Variants in MYO9A observed in about 807,000 individuals in gnomAD.
MYO9A encodes the protein unconventional myosin-IXa.
Under a neutral mutation model 293.3 loss-of-function variants are expected in MYO9A, and 103 were observed. That is an observed-to-expected ratio of 0.35 (90% CI 0.30 to 0.41). The LOEUF is 0.41. Ranked by LOEUF, MYO9A falls within the 10% of genes least tolerant of loss-of-function variation. MYO9A has a pLI of 1.00. For synonymous variants in MYO9A, 1,001 were observed against 1,035.7 expected (o/e 0.97, Z 0.64); for missense variants, 2,685 against 3,033.0 (o/e 0.89, Z 2.69).
chr15:71,831,550 TATAAAA>T (rs1349259596), intron 39 of MYO9A, among the ~76,000 whole-genome samples: 2 of 152,102 alleles, frequency 1.3e-5, no homozygotes, highest in Non-Finnish European at 1.5e-5. Flanking sequence ...AAACTGAAAT[TATAAAA>T]GTCCTTGCAG....
intron 25 of MYO9A, among the ~76,000 whole-genome samples, chr15:71,895,707 T>C (rs1383161989): frequency 6.6e-6 from 1 of 151,922 alleles, no homozygotes; most frequent in African/African-American, 2.4e-5. Flanking sequence ...TAATCTAATA[T>C]ATAATAATTT....
rs745550211 is a variant in MYO9A, at chr15:72,046,264, T to C, written c.300A>G (p.Gly100=). The change falls in exon 2 of 42, where the codon GGA becomes GGG. Residue 100 remains glycine (G), a synonymous_variant. Coordinates refer to ENST00000356056, the MANE Select transcript of MYO9A (RefSeq NM_006901.4). ...CTCTCAGAAGGAAGCGGTAGTCCTC[T>C]CCACTTAAGCGATTTTCCAGAGCCA... is the stretch of plus-strand genomic sequence containing the variant. ...PRMALENRLS[G]EDYRFLLREK... 3 of 1,614,038 alleles carry C rather than the reference T, an allele frequency of 1.9e-6. No individual in the cohort carries two copies. The East Asian group carries it at 6.7e-5, about 36-fold the overall frequency.
At chr15:71,981,056 CTG>C (rs1348501308) in intron 11 of MYO9A, among the ~76,000 whole-genome samples, 2 of 152,030 alleles carry the variant, frequency 1.3e-5, no homozygotes, top group African/African-American at 4.8e-5. Context: ...CTCGAGATAA[CTG>C]TGTTTTCTCC....
At chr15:71,986,833 A>G (rs1055128710) in intron 11 of MYO9A, among the ~76,000 whole-genome samples, 2 of 152,164 alleles carry the variant, frequency 1.3e-5, no homozygotes, top group African/African-American at 4.8e-5. Context: ...ATTACAAAAA[A>G]ATTAATAAAT....
chr15:71,830,413 G>A (rs1595982237), intron 39 of MYO9A, 102 bp from the exon 40 acceptor site: 1 of 1,106,090 alleles, frequency 9.0e-7, no homozygotes, highest in African/African-American at 1.6e-5. Context: ...CCAGGTGAAT[G>A]ATAAGAATAA....
intron 11 of MYO9A, among the ~76,000 whole-genome samples, chr15:71,979,990 A>G (rs1397240726): frequency 6.6e-6 from 1 of 152,164 alleles, no homozygotes; most frequent in Non-Finnish European, 1.5e-5. Context: ...GTATCTGTAT[A>G]CAATAACTTG....
chr15:72,026,275 G>GAAAAAA (rs35491673), intron 4 of MYO9A, among the ~76,000 whole-genome samples: 3 of 63,476 alleles, frequency 4.7e-5, no homozygotes, highest in Admixed American at 2.5e-4. Context: ...TCCGTCTCAA[G>GAAAAAA]AAAAAAAAAA....
At chr15:72,027,693 T>C (rs2077715565) in intron 4 of MYO9A, 38 bp downstream of exon 4, 2 of 1,501,002 alleles carry the variant, frequency 1.3e-6, no homozygotes, top group Non-Finnish European at 1.8e-6. Flanking sequence ...GTGATACAAA[T>C]GTTAACTTCA....
chr15:71,998,550 C>CTTTTTTTTTTTT (rs765185033), intron 9 of MYO9A, among the ~76,000 whole-genome samples: 1 of 106,190 alleles, frequency 9.4e-6, no homozygotes. Context: ...ATTTGGCTTT[C>CTTTTTTTTTTTT]TTTTTTTTTT....
intron 1 of MYO9A, among the ~76,000 whole-genome samples, chr15:72,089,810 T>C (rs1033078451): frequency 6.6e-6 from 1 of 152,128 alleles, no homozygotes; most frequent in African/African-American, 2.4e-5. Flanking sequence ...CACCAACTTA[T>C]CAACAGCAAT....
chr15:71,827,248 C>T (rs917686577), intron 41 of MYO9A, among the ~76,000 whole-genome samples: 1 of 152,208 alleles, frequency 6.6e-6, no homozygotes, highest in East Asian at 1.9e-4. Context: ...CCAAGGAAAT[C>T]TGGTGTTTGA....
At chr15:71,954,757 TA>T (rs1567313211) in intron 14 of MYO9A, among the ~76,000 whole-genome samples, 1 of 152,340 alleles carries the variant, frequency 6.6e-6, no homozygotes, top group East Asian at 1.9e-4. Context: ...CAATTTTCAA[TA>T]ATTTTTTTAG....
chr15:72,094,181 G>A (rs2080006189), intron 1 of MYO9A, among the ~76,000 whole-genome samples: 1 of 88,592 alleles, frequency 1.1e-5, no homozygotes, highest in African/African-American at 2.6e-5. Context: ...CTGCACTCCA[G>A]CTGGGAAACA....
intron 2 of MYO9A, chr15:72,041,625 C>T (rs767937294): frequency 2.4e-5 from 6 of 245,044 alleles, no homozygotes; most frequent in Non-Finnish European, 4.9e-5. Flanking sequence ...CCCAGCATCT[C>T]CAGTAGTTAA....
At chr15:72,055,310 C>T (rs1310935347) in intron 1 of MYO9A, among the ~76,000 whole-genome samples, 2 of 152,118 alleles carry the variant, frequency 1.3e-5, no homozygotes, top group African/African-American at 4.8e-5. Flanking sequence ...AAACCTCTCA[C>T]CTTATACAAA....
chr15:72,117,048 G>A (rs1019562642), intron 1 of MYO9A: 1 of 152,272 alleles, frequency 6.6e-6, no homozygotes, highest in Non-Finnish European at 1.5e-5. Context: ...CGCGACTAAG[G>A]AGAAAGATAA....
chr15:71,870,202 T>C (rs1175467146), intron 32 of MYO9A, among the ~76,000 whole-genome samples: 4 of 150,268 alleles, frequency 2.7e-5, no homozygotes, highest in Admixed American at 6.6e-5. Context: ...ATTACTTTCA[T>C]GGTAAAAGTG....
intron 2 of MYO9A, chr15:72,041,535 A>G (rs533130625): frequency 5.7e-5 from 20 of 348,182 alleles, no homozygotes; most frequent in Non-Finnish European, 1.1e-4. Context: ...CATCTTCACT[A>G]TTTTGCATGG....
intron 11 of MYO9A, among the ~76,000 whole-genome samples, chr15:71,984,569 T>C (rs1168741316): frequency 6.6e-6 from 1 of 152,168 alleles, no homozygotes; most frequent in Non-Finnish European, 1.5e-5. Context: ...CTTTCCAAAA[T>C]TCCTATGGCA....
Sources: allele counts gnomAD v4.1 joint callset (sites outside exome capture counted in the v4.1 genomes callset), GRCh38; gene constraint gnomAD v4.1.1; transcripts MANE v1.5; gene names NCBI Gene and HGNC (gene_info 2026-07-23, HGNC 2026-07-21).